FER1L6: variants seen among roughly 807,000 people sequenced by gnomAD.
The protein encoded by FER1L6 is fer-1 like family member 6.
Under a neutral mutation model 219.2 loss-of-function variants are expected in FER1L6, and 177 were observed. That is an observed-to-expected ratio of 0.81 (90% CI 0.71 to 0.91). The LOEUF (loss-of-function observed/expected upper bound fraction) is 0.91. Among genes scored for constraint, FER1L6 ranks in the 40% least tolerant of loss-of-function variants. The pLI is 0.00. For synonymous variants in FER1L6, 768 were observed against 824.3 expected (o/e 0.93, Z 1.17); for missense variants, 2,153 against 2,259.9 (o/e 0.95, Z 0.96).
intron 1 of FER1L6, among the ~76,000 whole-genome samples, chr8:123,911,277 A>G (rs149800847): frequency 1.7e-3 from 265 of 152,352 alleles, no homozygotes; most frequent in African/African-American, 6.0e-3. Flanking sequence ...TTGATTCCAC[A>G]TGATAGTTAT....
At chr8:124,093,198 ACCAT>A (rs1822122461) in intron 34 of FER1L6, among the ~76,000 whole-genome samples, 1 of 151,894 alleles carries the variant, frequency 6.6e-6, no homozygotes, top group African/African-American at 2.4e-5. Context: ...ATTGTGCTAA[ACCAT>A]CTGTGAGAAA....
chr8:124,035,793 C>G (rs1363675264), intron 19 of FER1L6, among the ~76,000 whole-genome samples: 2 of 152,196 alleles, frequency 1.3e-5, no homozygotes, highest in African/African-American at 4.8e-5. Flanking sequence ...CTTACATGAT[C>G]TGTGGAATTA....
chr8:123,970,016 T>G lies in FER1L6; in HGVS notation c.385-19T>G. ...GCAAGTCTGGGGTTGATGACCAGAATGAACTTTTTGTTTTGCAGTACTTTG... is the reference window on the plus strand; with the variant it reads ...GCAAGTCTGGGGTTGATGACCAGAAGGAACTTTTTGTTTTGCAGTACTTTG... On this transcript the variant is annotated intron_variant, in intron 5 of 40. Transcript: ENST00000522917. 6.2e-7 allele frequency: 1 copy of G among 1,612,630 alleles called. No individual in the cohort carries two copies. The highest frequency in any genetic ancestry group is 1.1e-5 in the South Asian group (1 of 91,044).
intron 32 of FER1L6, among the ~76,000 whole-genome samples, chr8:124,077,152 G>T (rs1028272332): frequency 6.6e-6 from 1 of 152,190 alleles, no homozygotes; most frequent in African/African-American, 2.4e-5. Flanking sequence ...TAACCTCTCT[G>T]TTCCTAGTTT....
chr8:124,060,427 T>C lies in FER1L6; in HGVS notation c.2986-121T>C, dbSNP rs1026089870. On this transcript the variant is annotated intron_variant, in intron 23 of 40. Coordinates refer to ENST00000522917, the MANE Select transcript of FER1L6 (RefSeq NM_001039112.2). ...GAGCCCTCAAAAAGCTGTGCAGTTC[T>C]TTCCTGGAGGAACACAGCGTGGTTC... The C allele has an allele frequency of 7.5e-6, 11 of 1,461,738 alleles. 1 individual carries two copies. The highest frequency in any genetic ancestry group is 6.2e-5 in the South Asian group (5 of 80,814). 90.5% of individuals were successfully genotyped at this position (1,461,738 alleles called of 1,614,324 possible).
chr8:123,948,192 C>T (rs1814587926), intron 1 of FER1L6, among the ~76,000 whole-genome samples: 1 of 152,124 alleles, frequency 6.6e-6, no homozygotes, highest in Admixed American at 6.6e-5. Context: ...ATAACTTATC[C>T]TCCATTTTAC....
intron 33 of FER1L6, among the ~76,000 whole-genome samples, chr8:124,083,957 T>G (rs1175269024): frequency 6.6e-6 from 1 of 152,148 alleles, no homozygotes; most frequent in African/African-American, 2.4e-5. Flanking sequence ...GCACCAATGT[T>G]TTATAGTTTT....
At chr8:124,035,687 T>C (rs548763599) in intron 19 of FER1L6, among the ~76,000 whole-genome samples, 1 of 152,348 alleles carries the variant, frequency 6.6e-6, no homozygotes, top group African/African-American at 2.4e-5. Flanking sequence ...TCTCTGTTAA[T>C]AGAGAGGAAG....
At chr8:124,097,212 T>G in intron 35 of FER1L6, 59 bp from the exon 36 acceptor site, 1 of 1,227,640 alleles carries the variant, frequency 8.1e-7, no homozygotes, top group East Asian at 2.4e-5. Flanking sequence ...GAATTATCAA[T>G]TACCCATGTC....
chr8:123,939,322 A>G (rs1814136098), intron 1 of FER1L6: 3 of 432,232 alleles, frequency 6.9e-6, no homozygotes, highest in Non-Finnish European at 9.2e-6. Context: ...GGTTTACCCC[A>G]GTGTTTTCAA....
chr8:124,114,594 T>C (rs1309602837), intron 39 of FER1L6, among the ~76,000 whole-genome samples: 1 of 151,928 alleles, frequency 6.6e-6, no homozygotes, highest in Non-Finnish European at 1.5e-5. Flanking sequence ...GTGGGGCAAA[T>C]AGGACAATTT....
intron 33 of FER1L6, among the ~76,000 whole-genome samples, chr8:124,089,390 G>A (rs1181837753): frequency 1.3e-5 from 2 of 152,232 alleles, no homozygotes; most frequent in East Asian, 1.9e-4. Flanking sequence ...GGGAATGGGG[G>A]AGGAGTGGCA....
chr8:123,903,407 A>G (rs1812893781), intron 1 of FER1L6, among the ~76,000 whole-genome samples: 1 of 152,188 alleles, frequency 6.6e-6, no homozygotes, highest in Admixed American at 6.5e-5. Flanking sequence ...TCGTTCTCAA[A>G]CAGTTGTTGG....
At chr8:124,015,607 A>ATGTATATATG (rs71303477) in intron 15 of FER1L6, among the ~76,000 whole-genome samples, 1 of 88,606 alleles carries the variant, frequency 1.1e-5, no homozygotes, top group African/African-American at 4.3e-5. Flanking sequence ...ATATATATAT[A>ATGTATATATG]TATATATATT....
intron 32 of FER1L6, among the ~76,000 whole-genome samples, chr8:124,080,089 A>C (rs1821473154): frequency 6.6e-6 from 1 of 152,198 alleles, no homozygotes; most frequent in South Asian, 2.1e-4. Flanking sequence ...TGAATGAACG[A>C]ATGAATAAAT....
intron 1 of FER1L6, among the ~76,000 whole-genome samples, chr8:123,928,964 G>C (rs1197962510): frequency 1.3e-5 from 2 of 152,138 alleles, no homozygotes; most frequent in Non-Finnish European, 1.5e-5. Flanking sequence ...AATTACCAGT[G>C]AAATAGGTAT....
chr8:124,005,740 G>A (rs577385800), intron 13 of FER1L6, among the ~76,000 whole-genome samples: 5 of 152,344 alleles, frequency 3.3e-5, no homozygotes, highest in South Asian at 4.1e-4. Flanking sequence ...TGGGTACAGA[G>A]TACTATGGGA....
intron 1 of FER1L6, among the ~76,000 whole-genome samples, chr8:123,952,004 G>A (rs1413027413): frequency 6.6e-6 from 1 of 152,216 alleles, no homozygotes; most frequent in Non-Finnish European, 1.5e-5. Flanking sequence ...TGACACAAGT[G>A]GGAGAACACG....
intron 9 of FER1L6, among the ~76,000 whole-genome samples, chr8:123,976,745 C>T (rs952344363): frequency 6.6e-6 from 1 of 152,128 alleles, no homozygotes; most frequent in Non-Finnish European, 1.5e-5. Flanking sequence ...CCAGGTAGTC[C>T]TTGTCTTAGA....
Sources: gnomAD v4.1 joint callset for allele counts (sites outside exome capture counted in the v4.1 genomes callset) on GRCh38, gnomAD v4.1.1 for gene constraint, MANE v1.5 for transcripts, NCBI Gene and HGNC (gene_info 2026-07-23, HGNC 2026-07-21) for gene names.